The following CACNA1C variants were observed in gnomAD, a reference collection of about 807,000 sequenced individuals.
The protein encoded by CACNA1C is calcium voltage-gated channel subunit alpha1 C, also known as voltage-dependent L-type calcium channel subunit alpha-1C.
A neutral mutation model predicts 229.0 loss-of-function variants in CACNA1C; 30 were observed. The ratio of observed to expected loss-of-function variants is 0.13; its 90% confidence interval spans 0.10 to 0.18. The LOEUF (loss-of-function observed/expected upper bound fraction) is 0.18. Among genes scored for constraint, CACNA1C ranks in the 10% least tolerant of loss-of-function variants. CACNA1C has a pLI of 1.00. For missense variants in CACNA1C, 1,658 were observed against 2,845.0 expected (o/e 0.58, Z 9.49); for synonymous variants, 1,114 against 1,132.5 (o/e 0.98, Z 0.33).
chr12:2,185,876 G>A lies in CACNA1C; in HGVS notation c.477+65446G>A, dbSNP rs528439070. Among the ~76,000 whole-genome samples, 69 of 152,180 alleles carry A rather than the reference G, an allele frequency of 4.5e-4. 1 individual carries two copies. In the South Asian group the frequency reaches 9.4e-3, roughly 21 times the overall value. On this transcript the variant is annotated intron_variant, in intron 3 of 46. Coordinates refer to ENST00000399655, the MANE Select transcript of CACNA1C (RefSeq NM_000719.7). ...TCTTTGCCCGGTGGGCTCCAGCCGC[G>A]CCTGGGCAGCAGTCTAGACTTCCTG...
chr12:2,101,557 G>C (rs567017536), intron 1 of CACNA1C, among the ~76,000 whole-genome samples: 1 of 152,188 alleles, frequency 6.6e-6, no homozygotes, highest in South Asian at 2.1e-4. Flanking sequence ...CGTGAGCTCC[G>C]AGCCTCAGGA....
chr12:2,175,543 A>T (rs2096620142), intron 3 of CACNA1C, among the ~76,000 whole-genome samples: 1 of 151,754 alleles, frequency 6.6e-6, no homozygotes, highest in African/African-American at 2.4e-5. Context: ...TCCTGTTGTG[A>T]CACTGAGATG....
At chr12:2,369,160 A>G (rs1055700570) in intron 3 of CACNA1C, among the ~76,000 whole-genome samples, 6 of 152,242 alleles carry the variant, frequency 3.9e-5, no homozygotes, top group Non-Finnish European at 7.3e-5. Context: ...CCAAAGTAGC[A>G]TATACTGTGT....
At chr12:2,370,567 A>T (rs1395151812) in intron 3 of CACNA1C, among the ~76,000 whole-genome samples, 1 of 152,258 alleles carries the variant, frequency 6.6e-6, no homozygotes, top group East Asian at 1.9e-4. Flanking sequence ...GATATAAAAT[A>T]TATGGACAGC....
At chr12:2,616,060 G>A (rs2080382366) in intron 29 of CACNA1C, among the ~76,000 whole-genome samples, 1 of 152,178 alleles carries the variant, frequency 6.6e-6, no homozygotes, top group Non-Finnish European at 1.5e-5. Flanking sequence ...CCAAGAGGAG[G>A]ACGCTGGAAG....
chr12:2,671,527 A>C (rs544979498), intron 38 of CACNA1C, among the ~76,000 whole-genome samples: 17 of 152,316 alleles, frequency 1.1e-4, no homozygotes, highest in African/African-American at 3.6e-4. Context: ...GACTGCCAGG[A>C]GGAATATGCT....
chr12:2,082,064 G>C (rs1033333427), intron 1 of CACNA1C, among the ~76,000 whole-genome samples: 3 of 152,188 alleles, frequency 2.0e-5, no homozygotes, highest in African/African-American at 7.2e-5. Flanking sequence ...CTTCAGTGCT[G>C]CCATCACTGA....
chr12:2,168,209 A>G (rs1357518117), intron 3 of CACNA1C, among the ~76,000 whole-genome samples: 1 of 152,236 alleles, frequency 6.6e-6, no homozygotes, highest in Non-Finnish European at 1.5e-5. Flanking sequence ...GCTGTGATGG[A>G]GAGCTTTAAT....
At chr12:1,991,745 T>A (rs1453101757) in intron 1 of CACNA1C, 1 of 156,416 alleles carries the variant, frequency 6.4e-6, no homozygotes, top group Non-Finnish European at 1.4e-5. Context: ...CCTGTGGGAC[T>A]TAAGAAGGTT....
chr12:2,631,156 A>G (rs1018872484), intron 29 of CACNA1C, among the ~76,000 whole-genome samples: 36 of 151,988 alleles, frequency 2.4e-4, no homozygotes, highest in Admixed American at 2.2e-3. Context: ...TCCTTTCTCC[A>G]TCTTAGAGGT....
At chr12:2,629,368 G>A (rs216021) in intron 29 of CACNA1C, among the ~76,000 whole-genome samples, 2,142 of 152,336 alleles carry the variant, frequency 0.014, 58 homozygotes, top group African/African-American at 0.049. Flanking sequence ...CGGGAGGTAG[G>A]CATTTTACAG....
chr12:2,052,910 CGGCGCGGGCAGGGGCGGGCGCG>C (rs2052687235), upstream of CACNA1C: 1 of 881,954 alleles, frequency 1.1e-6, no homozygotes, highest in Non-Finnish European at 1.4e-6. Flanking sequence ...GGCGGGCGGG[CGGCGCGGGCAGGGGCGGGCGCG>C]GGCGCGGCGG....
chr12:2,173,262 A>G (rs1261211398), intron 3 of CACNA1C, among the ~76,000 whole-genome samples: 1 of 152,164 alleles, frequency 6.6e-6, no homozygotes, highest in Non-Finnish European at 1.5e-5. Flanking sequence ...GTTACCAAGG[A>G]AACTGCAGAG....
chr12:2,197,380 T>C (rs1416934178), intron 3 of CACNA1C, among the ~76,000 whole-genome samples: 4 of 152,190 alleles, frequency 2.6e-5, no homozygotes, highest in Non-Finnish European at 4.4e-5. Context: ...CTGTTGACAA[T>C]GCTCAGTTTA....
chr12:2,538,216 T>A (rs535607626), intron 9 of CACNA1C, among the ~76,000 whole-genome samples: 1 of 152,364 alleles, frequency 6.6e-6, no homozygotes, highest in East Asian at 1.9e-4. Flanking sequence ...GCACTTCTAT[T>A]GTGCCTTTTT....
chr12:2,244,973 C>T (rs994746921), intron 3 of CACNA1C, among the ~76,000 whole-genome samples: 1 of 152,172 alleles, frequency 6.6e-6, no homozygotes. Flanking sequence ...GACATTCCCA[C>T]AGGGTTTTTC....
intron 22 of CACNA1C, chr12:2,603,620 C>A (rs932572851): frequency 6.6e-6 from 1 of 152,174 alleles, no homozygotes; most frequent in African/African-American, 2.4e-5. Flanking sequence ...TGCTTAGGGA[C>A]CTGTCTCCTG....
chr12:2,573,033 TTTC>T (rs566983235), intron 13 of CACNA1C, among the ~76,000 whole-genome samples: 133 of 150,256 alleles, frequency 8.9e-4, no homozygotes, highest in Non-Finnish European at 1.6e-3. Context: ...TCTTCTTCCT[TTTC>T]TTCTTCTTCT....
At chr12:2,518,322 AT>A (rs1351952799) in intron 9 of CACNA1C, among the ~76,000 whole-genome samples, 1 of 152,198 alleles carries the variant, frequency 6.6e-6, no homozygotes, top group Non-Finnish European at 1.5e-5. Flanking sequence ...TTAAAAAAAA[AT>A]CAGGGCCGGG....
Sources: gnomAD v4.1 joint callset for allele counts (sites outside exome capture counted in the v4.1 genomes callset) on GRCh38, gnomAD v4.1.1 for gene constraint, MANE v1.5 for transcripts, NCBI Gene and HGNC (gene_info 2026-07-23, HGNC 2026-07-21) for gene names.